The following PTPRG variants were observed in gnomAD, a reference collection of about 807,000 sequenced individuals.
PTPRG encodes the protein protein tyrosine phosphatase receptor type G.
A neutral mutation model predicts 165.3 loss-of-function variants in PTPRG; 102 were observed. The observed-to-expected ratio is 0.62, with a 90% CI of 0.53 to 0.73. The LOEUF (loss-of-function observed/expected upper bound fraction) is 0.73, where lower values mean the gene tolerates loss of function less well. PTPRG is among the 30% of genes least tolerant of loss of function. The pLI, the probability that PTPRG is intolerant of heterozygous loss-of-function variation, is 0.00. For synonymous variants in PTPRG, 675 were observed against 669.5 expected (o/e 1.01, Z -0.13); for missense variants, 1,866 against 1,861.4 (o/e 1.00, Z -0.05).
At chr3:61,645,169 T>C (rs1321483474) in intron 1 of PTPRG, among the ~76,000 whole-genome samples, 1 of 152,220 alleles carries the variant, frequency 6.6e-6, no homozygotes, top group Non-Finnish European at 1.5e-5. Context: ...TTACCAAATA[T>C]TGACAATGAT....
intron 1 of PTPRG, among the ~76,000 whole-genome samples, chr3:61,656,039 A>G (rs1284058947): frequency 2.3e-5 from 3 of 131,040 alleles, no homozygotes; most frequent in East Asian, 2.4e-4. Flanking sequence ...ACATAGCAAG[A>G]CCCCCCCCCC....
rs150679378 is a variant in PTPRG, at chr3:61,623,906, C to T, written c.85+61534C>T. 1.6e-4 allele frequency among the ~76,000 whole-genome samples: 25 copies of T among 152,296 alleles called. No individual in the cohort carries two copies. In the East Asian group the frequency reaches 4.4e-3, roughly 27 times the overall value. On this transcript the variant is annotated intron_variant, in intron 1 of 29. Coordinates refer to ENST00000474889, the MANE Select transcript of PTPRG (RefSeq NM_002841.4). ...TCTATTTCTAAATTTTACTGCCAAG[C>T]ACCAAATACAGCCGCTGGTGTTTAT...
At chr3:61,955,099 G>T (rs990818082) in intron 2 of PTPRG, among the ~76,000 whole-genome samples, 32 of 152,144 alleles carry the variant, frequency 2.1e-4, no homozygotes, top group African/African-American at 7.7e-4. Context: ...GTATACTGTG[G>T]TTTAGGCTGA....
At chr3:61,957,129 T>C (rs1291769955) in intron 2 of PTPRG, among the ~76,000 whole-genome samples, 1 of 152,228 alleles carries the variant, frequency 6.6e-6, no homozygotes, top group East Asian at 1.9e-4. Flanking sequence ...CATGTATGTT[T>C]AACTGAGAAG....
chr3:61,803,474 A>G (rs1439113159), intron 2 of PTPRG, among the ~76,000 whole-genome samples: 2 of 111,302 alleles, frequency 1.8e-5, no homozygotes, highest in African/African-American at 4.0e-5. Context: ...TTTGGACAAC[A>G]TGGTTCATGT....
chr3:61,849,174 T>G (rs1290216952), intron 2 of PTPRG, among the ~76,000 whole-genome samples: 3 of 152,178 alleles, frequency 2.0e-5, no homozygotes, highest in African/African-American at 7.2e-5. Flanking sequence ...GTGGAGTCAT[T>G]TTTGGACAAC....
intron 2 of PTPRG, among the ~76,000 whole-genome samples, chr3:61,928,568 G>C (rs1027900043): frequency 2.4e-4 from 36 of 152,148 alleles, no homozygotes; most frequent in Non-Finnish European, 4.3e-4. Flanking sequence ...TGTTGCTGAA[G>C]TTTATGAGCA....
At chr3:62,075,645 C>T (rs747016450) in intron 4 of PTPRG, among the ~76,000 whole-genome samples, 21 of 152,174 alleles carry the variant, frequency 1.4e-4, no homozygotes, top group Admixed American at 1.3e-3. Flanking sequence ...TACCTGATTG[C>T]CCTCTTCACA....
At chr3:62,275,043 C>T (rs1702188325) in intron 23 of PTPRG, among the ~76,000 whole-genome samples, 1 of 151,958 alleles carries the variant, frequency 6.6e-6, no homozygotes, top group Non-Finnish European at 1.5e-5. Flanking sequence ...AAATTATATC[C>T]AGGGACCATG....
chr3:62,139,461 C>T (rs1157511429), intron 6 of PTPRG, among the ~76,000 whole-genome samples: 1 of 151,922 alleles, frequency 6.6e-6, no homozygotes, highest in Non-Finnish European at 1.5e-5. Flanking sequence ...TCTGTCCCCC[C>T]TTCCCCCAGA....
chr3:61,715,605 G>A (rs556818678), intron 1 of PTPRG, among the ~76,000 whole-genome samples: 2 of 152,266 alleles, frequency 1.3e-5, no homozygotes, highest in South Asian at 4.2e-4. Flanking sequence ...GAAGGCCCTG[G>A]GTTCTTGGCC....
At chr3:61,703,814 T>A (rs988598742) in intron 1 of PTPRG, among the ~76,000 whole-genome samples, 1 of 152,246 alleles carries the variant, frequency 6.6e-6, no homozygotes, top group Non-Finnish European at 1.5e-5. Context: ...TTAATGAAAG[T>A]TCAGCTCTCT....
chr3:61,746,208 ATTTTTTTTTTTTT>A (rs750697053), intron 1 of PTPRG, among the ~76,000 whole-genome samples: 3 of 81,322 alleles, frequency 3.7e-5, no homozygotes, highest in East Asian at 4.0e-4. Flanking sequence ...ACACACTCTA[ATTTTTTTTTTTTT>A]TTTTTTTTTT....
rs908577151 is a variant in PTPRG, at chr3:61,957,257, A to C, written c.191-32368A>C. Among the ~76,000 whole-genome samples the C allele has an allele frequency of 5.9e-5, 9 of 152,356 alleles. No individual in the cohort carries two copies. In the South Asian group the frequency reaches 1.0e-3, roughly 18 times the overall value. The stretch of plus-strand genomic sequence containing the variant: ...ACACTGAATAATAATTATTTGACGA[A>C]GGTAGTGCGTTGTAAATATTTATAA... On this transcript the variant is annotated intron_variant, in intron 2 of 29. Coordinates refer to ENST00000474889, the MANE Select transcript of PTPRG (RefSeq NM_002841.4).
chr3:62,268,105 T>C (rs1333824592), intron 19 of PTPRG, among the ~76,000 whole-genome samples: 1 of 152,060 alleles, frequency 6.6e-6, no homozygotes, highest in African/African-American at 2.4e-5. Context: ...GAGCAAATAC[T>C]TGAGACTTGA....
chr3:61,759,743 A>T (rs1314471303), intron 2 of PTPRG, among the ~76,000 whole-genome samples: 1 of 151,194 alleles, frequency 6.6e-6, no homozygotes, highest in Admixed American at 6.6e-5. Context: ...TGACTCTATG[A>T]CTCTCCTGTG....
intron 5 of PTPRG, among the ~76,000 whole-genome samples, chr3:62,131,480 A>G (rs9813846): frequency 0.011 from 1,709 of 152,298 alleles, 30 homozygotes; most frequent in African/African-American, 0.04. Context: ...CTTAAAATTA[A>G]TTCTAGGGGT....
intron 1 of PTPRG, among the ~76,000 whole-genome samples, chr3:61,665,438 C>T (rs932324899): frequency 2.7e-5 from 4 of 150,104 alleles, no homozygotes; most frequent in African/African-American, 9.9e-5. Flanking sequence ...TGAAAGAAAA[C>T]CCAAAGCTAA....
chr3:61,927,524 A>G (rs912667395), intron 2 of PTPRG, among the ~76,000 whole-genome samples: 1 of 152,220 alleles, frequency 6.6e-6, no homozygotes, highest in Non-Finnish European at 1.5e-5. Flanking sequence ...GAACTTGGCC[A>G]TGAGTGTGGG....
Sources: gnomAD v4.1 joint callset for allele counts (sites outside exome capture counted in the v4.1 genomes callset) on GRCh38, gnomAD v4.1.1 for gene constraint, MANE v1.5 for transcripts, NCBI Gene and HGNC (gene_info 2026-07-23, HGNC 2026-07-21) for gene names.